Variants in SRGAP1 observed in about 807,000 individuals in gnomAD.
SRGAP1 encodes the protein SLIT-ROBO Rho GTPase activating protein 1, also known as SLIT-ROBO Rho GTPase-activating protein 1.
A neutral mutation model predicts 121.9 loss-of-function variants in SRGAP1; 43 were observed. That is an observed-to-expected ratio of 0.35 (90% CI 0.28 to 0.46). The LOEUF is 0.46. Ranked by LOEUF, SRGAP1 falls within the 20% of genes least tolerant of loss-of-function variation. SRGAP1 has a pLI of 1.00. For synonymous variants in SRGAP1, 447 were observed against 485.4 expected (o/e 0.92, Z 1.04); for missense variants, 1,102 against 1,350.9 (o/e 0.82, Z 2.89).
Position 63,846,793 on chromosome 12 carries a change from A to G in SRGAP1, c.67+1910A>G, listed in dbSNP as rs58711562. On this transcript the variant is annotated intron_variant, in intron 1 of 21. Transcript: ENST00000355086. The stretch of plus-strand genomic sequence containing the variant: ...TCCAGTATCTAACCTAGATCACTAC[A>G]TCCATACACAAACATGGGAATAAGG... 3.9e-5 allele frequency among the ~76,000 whole-genome samples: 6 copies of G among 152,312 alleles called. No individual in the cohort carries two copies. The East Asian group carries it at 9.6e-4, about 24-fold the overall frequency.
intron 21 of SRGAP1, among the ~76,000 whole-genome samples, chr12:64,134,484 G>A (rs1485590750): frequency 6.6e-6 from 1 of 151,486 alleles, no homozygotes; most frequent in Non-Finnish European, 1.5e-5. Context: ...ATTGGTCAAG[G>A]ACTCTCCCAG....
At chr12:63,891,884 G>T (rs1388261208) in intron 1 of SRGAP1, among the ~76,000 whole-genome samples, 2 of 151,432 alleles carry the variant, frequency 1.3e-5, no homozygotes, top group Non-Finnish European at 2.9e-5. Flanking sequence ...CTACTGTGGG[G>T]CTGAGGCATG....
At chr12:63,853,552 A>G (rs542527146) in intron 1 of SRGAP1, among the ~76,000 whole-genome samples, 2 of 152,338 alleles carry the variant, frequency 1.3e-5, no homozygotes, top group Admixed American at 6.5e-5. Context: ...AGACTGTAAA[A>G]TGGAAGGTGA....
intron 15 of SRGAP1, 113 bp downstream of exon 15, chr12:64,097,488 C>T (rs563679302): frequency 1.8e-6 from 2 of 1,121,064 alleles, no homozygotes; most frequent in East Asian, 5.1e-5. Flanking sequence ...CCCATTACCA[C>T]CATATTTCTG....
At chr12:63,899,056 C>G (rs535989121) in intron 1 of SRGAP1, among the ~76,000 whole-genome samples, 6 of 152,230 alleles carry the variant, frequency 3.9e-5, no homozygotes, top group Admixed American at 3.3e-4. Flanking sequence ...AAAACTTCCT[C>G]AAGAATGAAG....
At chr12:64,084,228 A>T (rs1297697722) in intron 10 of SRGAP1, among the ~76,000 whole-genome samples, 1 of 152,172 alleles carries the variant, frequency 6.6e-6, no homozygotes, top group Non-Finnish European at 1.5e-5. Context: ...AAAATAATTC[A>T]CTTCATAATT....
At position 64,079,069 on chromosome 12, in the gene SRGAP1, G is replaced by A. The variant is rs1174000312; in HGVS notation, c.1276G>A (p.Ala426Thr). ...SETYLSKPSI[A>T]KRRANQQETE... is the part of the protein sequence containing the mutation. ...AACCTACCTGAGTAAACCCAGCATCGCCAAGAGAAGAGCCAACCAGCAGGA... is the reference window on the plus strand; with the variant it reads ...AACCTACCTGAGTAAACCCAGCATCACCAAGAGAAGAGCCAACCAGCAGGA... Residue 426 changes from alanine to threonine, a missense_variant, in exon 9 of 22, where the codon GCC becomes ACC. Ala to Thr is a moderately conservative substitution (Grantham distance 58). Coordinates refer to ENST00000355086, the MANE Select transcript of SRGAP1 (RefSeq NM_020762.4). 3.7e-6 allele frequency: 6 copies of A among 1,613,872 alleles called. No homozygotes were observed. The highest frequency in any genetic ancestry group is 3.3e-5 in the Admixed American group (2 of 59,994).
At chr12:63,999,282 ATTGAGGAGTTCAAAT>A (rs539370895) in intron 3 of SRGAP1, among the ~76,000 whole-genome samples, 2 of 152,184 alleles carry the variant, frequency 1.3e-5, no homozygotes, top group Non-Finnish European at 2.9e-5. Flanking sequence ...TAAAGGCCAT[ATTGAGGAGTTCAAAT>A]TTATCCTAAG....
rs780934232 is a variant in SRGAP1, at chr12:64,092,497, CATACATAT to C, written c.1539+1120_1539+1127del. On this transcript the variant is annotated intron_variant, in intron 12 of 21. Transcript: ENST00000355086. Reference sequence around the variant, plus strand: ...ACATACATACATACATACATACATACATACATATGTACATAGATTAAAAACCTCTGGCA... The same window carrying C: ...ACATACATACATACATACATACATACGTACATAGATTAAAAACCTCTGGCA... Among the ~76,000 whole-genome samples the C allele has an allele frequency of 3.6e-3, 543 of 149,854 alleles. 2 individuals carry two copies. Among genetic ancestry groups the C allele is most frequent in the African/African-American group, 0.012 (499 of 40,064 alleles).
chr12:63,998,526 C>G (rs995529544), intron 3 of SRGAP1, among the ~76,000 whole-genome samples: 4 of 152,176 alleles, frequency 2.6e-5, no homozygotes, highest in African/African-American at 9.7e-5. Flanking sequence ...AAGCACCACA[C>G]TTTGCTCTAA....
At chr12:64,020,741 G>A (rs866294011) in intron 4 of SRGAP1, among the ~76,000 whole-genome samples, 2 of 151,480 alleles carry the variant, frequency 1.3e-5, no homozygotes, top group Middle Eastern at 3.2e-3. Context: ...TGCTTGGGAG[G>A]CTGAGGCAGG....
At chr12:64,095,987 G>A (rs796686997) in intron 14 of SRGAP1, among the ~76,000 whole-genome samples, 9 of 152,230 alleles carry the variant, frequency 5.9e-5, no homozygotes, top group African/African-American at 1.9e-4. Flanking sequence ...CATGTGATAC[G>A]GGTCAAGTCG....
chr12:64,048,487 T>C (rs1474681023), intron 6 of SRGAP1, among the ~76,000 whole-genome samples: 1 of 152,212 alleles, frequency 6.6e-6, no homozygotes, highest in Admixed American at 6.5e-5. Flanking sequence ...CTCTTTGTTG[T>C]AATGATTTTC....
intron 18 of SRGAP1, among the ~76,000 whole-genome samples, chr12:64,119,681 T>C (rs182592347): frequency 6.6e-6 from 1 of 151,806 alleles, no homozygotes; most frequent in Non-Finnish European, 1.5e-5. Flanking sequence ...TTTAGCTATA[T>C]GCACAAATTC....
At chr12:64,126,346 G>A (rs973025530) in intron 19 of SRGAP1, among the ~76,000 whole-genome samples, 189 bp downstream of exon 19, 1 of 152,230 alleles carries the variant, frequency 6.6e-6, no homozygotes, top group Non-Finnish European at 1.5e-5. Flanking sequence ...AGGAGGTTTG[G>A]AACAAGAACT....
chr12:64,052,684 A>G lies in SRGAP1; in HGVS notation c.801+9109A>G, dbSNP rs113483714. Among the ~76,000 whole-genome samples, 375 of 152,296 alleles carry G rather than the reference A, an allele frequency of 2.5e-3. 1 individual carries two copies. The highest frequency in any genetic ancestry group is 8.5e-3 in the African/African-American group (353 of 41,566). ...ATATGCCTTAAATATGTTTAATCTA[A>G]AGCTCACCAATATACTTGTACCTGC... On this transcript the variant is annotated intron_variant, in intron 6 of 21. Transcript: ENST00000355086.
chr12:64,007,428 G>A (rs531601790), intron 3 of SRGAP1, among the ~76,000 whole-genome samples: 3 of 152,080 alleles, frequency 2.0e-5, no homozygotes, highest in East Asian at 1.9e-4. Context: ...GCGGCTGATC[G>A]GACAGGGGGC....
intron 17 of SRGAP1, 126 bp from the exon 18 acceptor site, chr12:64,115,688 G>A: frequency 1.6e-6 from 1 of 642,778 alleles, no homozygotes; most frequent in Non-Finnish European, 2.7e-6. Context: ...TTGAGCCTGG[G>A]AGGCAGAGGT....
intron 1 of SRGAP1, among the ~76,000 whole-genome samples, chr12:63,910,869 AC>A (rs2030460854): frequency 6.6e-6 from 1 of 152,128 alleles, no homozygotes; most frequent in South Asian, 2.1e-4. Context: ...AAAAGGGCCT[AC>A]CCCAGAGTGG....
Sources: allele counts gnomAD v4.1 joint callset (sites outside exome capture counted in the v4.1 genomes callset), GRCh38; gene constraint gnomAD v4.1.1; transcripts MANE v1.5; gene names NCBI Gene and HGNC (gene_info 2026-07-23, HGNC 2026-07-21).